The following RALYL variants were observed in gnomAD, a reference collection of about 807,000 sequenced individuals.
The protein encoded by RALYL is RALY RNA binding protein like.
In RALYL, 29 loss-of-function variants were observed where a neutral mutation model predicts 35.1. That is an observed-to-expected ratio of 0.83 (90% CI 0.61 to 1.13). The LOEUF (loss-of-function observed/expected upper bound fraction) is 1.13, where lower values mean the gene tolerates loss of function less well. RALYL is among the 50% of genes most tolerant of loss of function. RALYL has a pLI of 0.00. For synonymous variants in RALYL, 120 were observed against 127.6 expected (o/e 0.94, Z 0.40); for missense variants, 359 against 360.4 (o/e 1.00, Z 0.03).
intron 1 of RALYL, among the ~76,000 whole-genome samples, chr8:84,308,055 A>C (rs1174104561): frequency 1.3e-5 from 2 of 151,956 alleles, no homozygotes; most frequent in Non-Finnish European, 2.9e-5. Flanking sequence ...TCAGACCATA[A>C]CTCTGATTCT....
intron 1 of RALYL, among the ~76,000 whole-genome samples, chr8:84,337,695 T>G (rs1586408548): frequency 6.6e-6 from 1 of 152,224 alleles, no homozygotes; most frequent in East Asian, 1.9e-4. Context: ...TGTGGAATAC[T>G]TCTTCTGTGG....
At chr8:84,871,262 T>C (rs1840139817) in intron 6 of RALYL, among the ~76,000 whole-genome samples, 1 of 152,192 alleles carries the variant, frequency 6.6e-6, no homozygotes, top group African/African-American at 2.4e-5. Flanking sequence ...CAGATGAGTC[T>C]ATATTGTTTT....
At chr8:84,672,365 C>A (rs995381404) in intron 2 of RALYL, among the ~76,000 whole-genome samples, 2 of 152,130 alleles carry the variant, frequency 1.3e-5, no homozygotes, top group Admixed American at 1.3e-4. Context: ...TATGAGCCTT[C>A]CAAGTTTTTA....
Position 84,725,290 on chromosome 8 carries a change from A to G in RALYL, c.257-49289A>G, listed in dbSNP as rs1016751721. Among the ~76,000 whole-genome samples, 7 of 151,886 alleles carry G rather than the reference A, an allele frequency of 4.6e-5. No individual in the cohort carries two copies. The Admixed American group carries it at 4.6e-4, about 10-fold the overall frequency. On this transcript the variant is annotated intron_variant, in intron 2 of 8. Transcript: ENST00000521268. ...AGTACATTGCTATGACAAAATATCA[A>G]CCAAGAATGGATATAGGCCACACTT... is the stretch of plus-strand genomic sequence containing the variant.
At chr8:84,302,534 A>G (rs1309199270) in intron 1 of RALYL, among the ~76,000 whole-genome samples, 1 of 152,104 alleles carries the variant, frequency 6.6e-6, no homozygotes, top group Non-Finnish European at 1.5e-5. Flanking sequence ...TAATTTGGAA[A>G]TTTTATCCTT....
intron 1 of RALYL, among the ~76,000 whole-genome samples, chr8:84,358,865 A>C (rs1346329189): frequency 6.6e-6 from 1 of 152,044 alleles, no homozygotes; most frequent in African/African-American, 2.4e-5. Context: ...ACTATATGTG[A>C]GGTAGTATTT....
chr8:84,621,223 C>T (rs28695582), intron 2 of RALYL, among the ~76,000 whole-genome samples: 43,786 of 152,014 alleles, frequency 0.29, 7,011 homozygotes, highest in African/African-American at 0.42. Flanking sequence ...CTCAGACTGC[C>T]GTGCTAGCAA....
chr8:84,901,533 GA>G (rs1845684818), intron 8 of RALYL, among the ~76,000 whole-genome samples: 1 of 152,148 alleles, frequency 6.6e-6, no homozygotes, highest in African/African-American at 2.4e-5. Flanking sequence ...GCAATAGGGA[GA>G]ATGCTTTGGC....
At chr8:84,687,840 G>T (rs1336430624) in intron 2 of RALYL, among the ~76,000 whole-genome samples, 1 of 152,004 alleles carries the variant, frequency 6.6e-6, no homozygotes, top group Admixed American at 6.6e-5. Flanking sequence ...TTAATGTAAT[G>T]ACTGTTATAA....
intron 3 of RALYL, among the ~76,000 whole-genome samples, chr8:84,775,156 A>G (rs1434467261): frequency 2.6e-5 from 4 of 152,070 alleles, no homozygotes; most frequent in South Asian, 2.1e-4. Flanking sequence ...CGGTTTCACC[A>G]TGTTGGCCAG....
At chr8:84,785,782 C>G (rs1474961176) in intron 3 of RALYL, among the ~76,000 whole-genome samples, 2 of 151,980 alleles carry the variant, frequency 1.3e-5, no homozygotes, top group Non-Finnish European at 2.9e-5. Flanking sequence ...GAAATGTTCA[C>G]AAAGTGTTAA....
intron 2 of RALYL, among the ~76,000 whole-genome samples, chr8:84,545,323 A>G (rs1199656322): frequency 2.0e-5 from 3 of 152,084 alleles, no homozygotes; most frequent in Admixed American, 1.3e-4. Flanking sequence ...AATGATTTTC[A>G]TTGGAGAAGA....
intron 1 of RALYL, among the ~76,000 whole-genome samples, chr8:84,224,581 T>G (rs185593214): frequency 1.3e-5 from 2 of 152,206 alleles, no homozygotes; most frequent in African/African-American, 4.8e-5. Context: ...TTAAGCTAAG[T>G]ATAAAGTTTA....
At chr8:84,802,704 G>A (rs1375035367) in intron 3 of RALYL, among the ~76,000 whole-genome samples, 1 of 152,172 alleles carries the variant, frequency 6.6e-6, no homozygotes, top group Non-Finnish European at 1.5e-5. Context: ...AAAGTGGTGG[G>A]CTTTGCTTTT....
chr8:84,261,156 G>T (rs1321743493), intron 1 of RALYL, among the ~76,000 whole-genome samples: 2 of 150,250 alleles, frequency 1.3e-5, no homozygotes, highest in Non-Finnish European at 1.5e-5. Context: ...GTTTTATTCA[G>T]GTGGAATTAA....
At chr8:84,325,729 T>C (rs1248652474) in intron 1 of RALYL, among the ~76,000 whole-genome samples, 2 of 152,228 alleles carry the variant, frequency 1.3e-5, no homozygotes, top group Non-Finnish European at 2.9e-5. Context: ...ACTCTTAGCA[T>C]TCAAAAGTAT....
At chr8:84,462,436 C>T (rs2050912122) in intron 1 of RALYL, among the ~76,000 whole-genome samples, 2 of 143,480 alleles carry the variant, frequency 1.4e-5, no homozygotes, top group South Asian at 2.2e-4. Flanking sequence ...TTTTTACTCT[C>T]TTTGTAAAAA....
intron 1 of RALYL, among the ~76,000 whole-genome samples, chr8:84,502,671 A>G (rs1164782816): frequency 6.6e-6 from 1 of 152,014 alleles, no homozygotes; most frequent in Non-Finnish European, 1.5e-5. Flanking sequence ...AGTTTTCCCA[A>G]TCTCCATGAA....
chr8:84,522,766 T>G (rs1022324257), intron 1 of RALYL, among the ~76,000 whole-genome samples: 2 of 152,200 alleles, frequency 1.3e-5, no homozygotes, highest in African/African-American at 4.8e-5. Context: ...TATGATCCAT[T>G]CTTTCTTAGT....
Sources: gnomAD v4.1 joint callset for allele counts (sites outside exome capture counted in the v4.1 genomes callset) on GRCh38, gnomAD v4.1.1 for gene constraint, MANE v1.5 for transcripts, NCBI Gene and HGNC (gene_info 2026-07-23, HGNC 2026-07-21) for gene names.